The following IGSF11 variants were observed in gnomAD, a reference collection of about 807,000 sequenced individuals.
The protein encoded by IGSF11 is CXADR like 1.
IGSF11 carries 22 observed loss-of-function variants against 41.0 expected under a neutral mutation model. The observed-to-expected ratio is 0.54, with a 90% CI of 0.38 to 0.77. IGSF11 has a LOEUF of 0.77. Ranked by LOEUF, IGSF11 falls within the 30% of genes least tolerant of loss-of-function variation. IGSF11 has a pLI of 0.00. For missense variants in IGSF11, 444 were observed against 530.8 expected (o/e 0.84, Z 1.61); for synonymous variants, 219 against 201.3 (o/e 1.09, Z -0.74).
intron 1 of IGSF11, among the ~76,000 whole-genome samples, chr3:119,000,857 CT>C (rs1284076293): frequency 1.3e-5 from 2 of 152,160 alleles, no homozygotes; most frequent in Non-Finnish European, 2.9e-5. Context: ...TCAAATCTAG[CT>C]TTAGATCATA....
intron 1 of IGSF11, among the ~76,000 whole-genome samples, chr3:119,123,751 A>G (rs2077363932): frequency 6.6e-6 from 1 of 152,212 alleles, no homozygotes; most frequent in South Asian, 2.1e-4. Flanking sequence ...GACGTTATCC[A>G]AGACTGCCAA....
chr3:119,094,924 G>A (rs943943678), intron 1 of IGSF11, among the ~76,000 whole-genome samples: 3 of 151,742 alleles, frequency 2.0e-5, no homozygotes, highest in Non-Finnish European at 2.9e-5. Flanking sequence ...CAGCCGCCTC[G>A]GCCTCCCAAA....
In IGSF11 at chr3:119,127,929, G is replaced by A. The variant is rs370939291; in HGVS notation, c.-14+17884C>T. ...ACATTAACTATGGAAAGGAAAAGCC[G>A]GTACCAGCCACTGCAAAAACACACC... On this transcript the variant is annotated intron_variant, in intron 1 of 7. Transcript: ENST00000425327. Among the ~76,000 whole-genome samples the A allele has an allele frequency of 3.8e-3, 576 of 152,258 alleles. 6 individuals are homozygous for A. The highest frequency in any genetic ancestry group is 0.013 in the African/African-American group (548 of 41,550).
At chr3:119,053,745 C>G (rs1941716728) in intron 1 of IGSF11, among the ~76,000 whole-genome samples, 1 of 151,810 alleles carries the variant, frequency 6.6e-6, no homozygotes, top group African/African-American at 2.4e-5. Context: ...CTGGAGGCAT[C>G]ACATTATCCA....
Position 118,902,971 on chromosome 3 carries a change from A to C in IGSF11, c.855-10T>G, listed in dbSNP as rs752101871. ...TGGAAGATCATCCTCTCTGAAAGGAACAAAATAAAGTCGTTGTTAGGATTT... is the reference window on the plus strand; with the variant it reads ...TGGAAGATCATCCTCTCTGAAAGGACCAAAATAAAGTCGTTGTTAGGATTT... On this transcript the variant is annotated splice_polypyrimidine_tract_variant and intron_variant, in intron 6 of 6. Coordinates refer to ENST00000393775, the MANE Select transcript of IGSF11 (RefSeq NM_001015887.3). 5 of 1,610,122 alleles carry C rather than the reference A, an allele frequency of 3.1e-6. No homozygotes were observed. The Admixed American group carries it at 6.7e-5, about 22-fold the overall frequency.
At chr3:118,959,487 G>C (rs1374707036) in intron 1 of IGSF11, among the ~76,000 whole-genome samples, 1 of 152,182 alleles carries the variant, frequency 6.6e-6, no homozygotes, top group African/African-American at 2.4e-5. Context: ...ATTCATGATG[G>C]AATAATAGGT....
intron 1 of IGSF11, among the ~76,000 whole-genome samples, chr3:119,103,303 T>A (rs2076968393): frequency 6.6e-6 from 1 of 152,150 alleles, no homozygotes; most frequent in Non-Finnish European, 1.5e-5. Flanking sequence ...GGCCCAAAAT[T>A]TTTATGTGAT....
At chr3:118,911,314 T>C (rs1044686169) in intron 4 of IGSF11, among the ~76,000 whole-genome samples, 6 of 151,900 alleles carry the variant, frequency 3.9e-5, no homozygotes, top group African/African-American at 1.5e-4. Flanking sequence ...GAAGGAGAAA[T>C]AAGCACTTGT....
intron 1 of IGSF11, among the ~76,000 whole-genome samples, chr3:119,135,579 A>T (rs1169779094): frequency 7.2e-5 from 11 of 152,178 alleles, no homozygotes; most frequent in African/African-American, 2.4e-4. Context: ...GCTGGAGAGG[A>T]TGTGGAGAAA....
chr3:119,011,625 A>T (rs1304967655), intron 1 of IGSF11, among the ~76,000 whole-genome samples: 1 of 152,194 alleles, frequency 6.6e-6, no homozygotes, highest in Non-Finnish European at 1.5e-5. Flanking sequence ...CCAAAATTTT[A>T]TAGAAATACT....
chr3:119,034,862 C>A (rs1241043827), upstream of IGSF11: 2 of 1,208,876 alleles, frequency 1.7e-6, no homozygotes, highest in East Asian at 6.7e-5. Context: ...ACCCCTCGCG[C>A]AGTCCGGGGA....
chr3:119,107,758 T>G (rs1378887977), upstream of IGSF11, among the ~76,000 whole-genome samples: 2 of 152,132 alleles, frequency 1.3e-5, no homozygotes, highest in East Asian at 1.9e-4. Flanking sequence ...TTGAATTAAT[T>G]TTTCTATAAG....
chr3:118,907,661 C>A (rs1044305697), intron 4 of IGSF11, among the ~76,000 whole-genome samples: 4 of 152,162 alleles, frequency 2.6e-5, no homozygotes, highest in Non-Finnish European at 5.9e-5. Flanking sequence ...ATTAAATATG[C>A]CTCATTTAAT....
At chr3:118,968,115 ATATTTT>A (rs1945809446) in intron 1 of IGSF11, among the ~76,000 whole-genome samples, 1 of 152,180 alleles carries the variant, frequency 6.6e-6, no homozygotes, top group African/African-American at 2.4e-5. Context: ...GATGCATTAT[ATATTTT>A]TATATGTGAA....
intron 4 of IGSF11, among the ~76,000 whole-genome samples, chr3:118,914,097 T>G (rs1287955238): frequency 6.6e-6 from 1 of 152,014 alleles, no homozygotes; most frequent in East Asian, 1.9e-4. Context: ...AAGTATGCAT[T>G]TGAGAACTTT....
chr3:119,115,157 C>T (rs1225279416), intron 1 of IGSF11, among the ~76,000 whole-genome samples: 1 of 152,154 alleles, frequency 6.6e-6, no homozygotes, highest in East Asian at 1.9e-4. Context: ...AAACCATATC[C>T]CTCAGGTTGC....
At position 119,058,933 on chromosome 3, in the gene IGSF11, A is replaced by T. The variant is rs182149582; in HGVS notation, c.49+46211T>A. ...GGTGGGAATTGAACAATGAGAACAC[A>T]TGGACACAGGAAGGGGAACATCACA... On this transcript the variant is annotated intron_variant, in intron 1 of 6. Transcript: ENST00000354673. 3.0e-3 allele frequency among the ~76,000 whole-genome samples: 461 copies of T among 151,298 alleles called. 2 individuals are homozygous for T. Among genetic ancestry groups the T allele is most frequent in the African/African-American group, 0.011 (448 of 41,286 alleles).
At position 119,128,343 on chromosome 3, in the gene IGSF11, G is replaced by GAGAA. The variant is rs760557582; in HGVS notation, c.-14+17466_-14+17469dup. On this transcript the variant is annotated intron_variant, in intron 1 of 7. Coordinates refer to the IGSF11 transcript ENST00000425327. ...ACTGCACTCCAGCCTGGGTGAGAGT[G>GAGAA]AGAAAGAAAGAAAGAAAAGAAAGAA... Among the ~76,000 whole-genome samples the GAGAA allele has an allele frequency of 4.7e-5, 6 of 128,920 alleles. 1 individual carries two copies. The highest frequency in any genetic ancestry group is 4.5e-4 in the East Asian group (2 of 4,422). 84.6% of individuals were successfully genotyped at this position (128,920 alleles called of 152,430 possible).
At position 118,926,106 on chromosome 3, in the gene IGSF11, G is replaced by T; in HGVS notation, c.575C>A (p.Thr192Asn). 1 of 1,604,408 alleles carries T rather than the reference G, an allele frequency of 6.2e-7. No individual in the cohort carries two copies. Reference sequence around the variant, plus strand: ...TAAAGCAGCACTGTACATACCCTGAGTAGCTGTTGGAGGTAGTTTGAGGGT... The same window carrying T: ...TAAAGCAGCACTGTACATACCCTGATTAGCTGTTGGAGGTAGTTTGAGGGT... ...DNTLKLPPTA[T>N]QDQVQGTVTI... The change falls in exon 4 of 7, where the codon ACT (threonine) becomes AAT (asparagine). Residue 192 changes from threonine (T) to asparagine (N), a missense_variant. This residue lies in a region of IGSF11 where 193 missense variants were observed against 283.5 expected (regional missense o/e 0.68). Transcript: ENST00000393775.
Sources: allele counts gnomAD v4.1 joint callset (sites outside exome capture counted in the v4.1 genomes callset), GRCh38; gene constraint gnomAD v4.1.1; regional missense constraint gnomAD v4.1.1; transcripts MANE v1.5; gene names NCBI Gene and HGNC (gene_info 2026-07-23, HGNC 2026-07-21).